Variants in BCORL1 observed in about 807,000 individuals in gnomAD.
BCORL1 encodes the protein BCL6 corepressor like 1, also known as BCL-6 corepressor-like protein 1.
In BCORL1, 7 loss-of-function variants were observed where a neutral mutation model predicts 87.6. The ratio of observed to expected loss-of-function variants is 0.08; its 90% CI spans 0.05 to 0.15. The LOEUF (loss-of-function observed/expected upper bound fraction) is 0.15. Among genes scored for constraint, BCORL1 ranks in the 10% least tolerant of loss-of-function variants. The pLI is 1.00. For synonymous variants in BCORL1, 591 were observed against 634.4 expected (o/e 0.93, Z 1.03); for missense variants, 1,215 against 1,499.7 (o/e 0.81, Z 3.13).
At chrX:130,031,535 G>C (rs1426571929) in intron 8 of BCORL1, among the ~76,000 whole-genome samples, 1 of 112,297 alleles carries the variant, frequency 8.9e-6, no homozygotes, top group African/African-American at 3.2e-5. Context: ...TATAATCCCA[G>C]CACTTTGGGA....
chrX:130,000,817 A>G (rs1048481332), intron 1 of BCORL1, among the ~76,000 whole-genome samples: 1 of 111,677 alleles, frequency 9.0e-6, no homozygotes, highest in Non-Finnish European at 1.9e-5. Flanking sequence ...ATAGCCCAGA[A>G]GGTTATGCTA....
In BCORL1 at chrX:130,039,126, C is replaced by T; in HGVS notation, c.4695-11C>T. 1.7e-6 allele frequency: 2 copies of T among 1,210,622 alleles called. No homozygotes were observed. The highest frequency in any genetic ancestry group is 2.2e-6 in the Non-Finnish European group (2 of 894,742). ...GGGCCCTGTTATCCTCACCCTGTAT[C>T]ACCTCCACAGGCCAGTTCATGATGC... On this transcript the variant is annotated splice_polypyrimidine_tract_variant and intron_variant, in intron 10 of 13. Transcript: ENST00000540052.
chrX:129,999,891 C>G (rs1312934434), intron 1 of BCORL1, among the ~76,000 whole-genome samples: 1 of 110,233 alleles, frequency 9.1e-6, no homozygotes, highest in African/African-American at 3.3e-5. Flanking sequence ...CCAGGCTGGT[C>G]TCGAACTCCT....
chrX:130,054,413 C>G (rs972648631), intron 13 of BCORL1, among the ~76,000 whole-genome samples: 3 of 111,144 alleles, frequency 2.7e-5, no homozygotes, highest in African/African-American at 9.8e-5. Context: ...ACAGTATCTA[C>G]CTGAGCTGGG....
At chrX:130,002,448 G>A (rs1179663740) in intron 1 of BCORL1, among the ~76,000 whole-genome samples, 1 of 104,222 alleles carries the variant, frequency 9.6e-6, no homozygotes, top group African/African-American at 3.5e-5. Flanking sequence ...AAGCCAGAGA[G>A]AGCCAGCAAA....
chrX:130,025,730 G>A (rs1015097181), intron 7 of BCORL1, among the ~76,000 whole-genome samples: 6 of 110,798 alleles, frequency 5.4e-5, no homozygotes, highest in African/African-American at 1.6e-4. Flanking sequence ...TTGGGAGGAC[G>A]GGTTCTCTCT....
chrX:130,012,542 C>T (rs371317097), intron 2 of BCORL1, 36 bp from the exon 3 acceptor site: 4 of 1,148,589 alleles, frequency 3.5e-6, no homozygotes, highest in African/African-American at 3.6e-5. Context: ...AATCCTGGGC[C>T]TCATGTCCCT....
Position 130,056,253 on chromosome X carries a change from G to A in BCORL1, c.*117G>A, listed in dbSNP as rs1932385051. The A allele has an allele frequency of 1.6e-5, 13 of 803,756 alleles. No individual in the cohort carries two copies. 66.2% of individuals were successfully genotyped at this position (803,756 alleles called of 1,213,427 possible). A position where few individuals can be genotyped will look rare whatever the true frequency, so the allele number is the denominator to read the frequency against. ...ATGAGGCAATAATACGGACCAACAA[G>A]AAGCCGCCTTATCAATGCCAGCATT... On this transcript the variant is annotated 3_prime_UTR_variant, in exon 14 of 14. Coordinates refer to ENST00000540052, the MANE Select transcript of BCORL1 (RefSeq NM_001379451.1).
intron 5 of BCORL1, among the ~76,000 whole-genome samples, chrX:130,022,078 C>T (rs1029461290): frequency 5.4e-5 from 6 of 110,243 alleles, no homozygotes; most frequent in Non-Finnish European, 1.1e-4. Context: ...TCAGCCACTG[C>T]GTCCGGCCTC....
chrX:130,047,289 G>A (rs2124568810), intron 11 of BCORL1, among the ~76,000 whole-genome samples: 1 of 111,115 alleles, frequency 9.0e-6, no homozygotes, highest in South Asian at 3.8e-4. Flanking sequence ...TTCAAGGAAA[G>A]GATAAGAGAA....
rs775454892 is a variant in BCORL1, at chrX:130,055,870, C to A, written c.5092C>A (p.Leu1698Ile). The change falls in exon 14 of 14, where the codon CTC (leucine) becomes ATC (isoleucine). Residue 1698 changes from leucine to isoleucine, a missense_variant. Transcript: ENST00000540052. ...CCTTTGCAGGCCCTGCAACTGGTTC[C>A]TCTTTTCCGATGTCTTGAAGAGGCT... ...SVSRGPCNWF[L>I]FSDVLKRLKL... is the part of the protein sequence containing the mutation. The A allele has an allele frequency of 4.4e-5, 53 of 1,206,465 alleles. 1 individual carries two copies. In the East Asian group the frequency reaches 4.7e-4, roughly 11 times the overall value.
At chrX:130,055,797 G>A (rs780577139) in intron 13 of BCORL1, 57 bp from the exon 14 acceptor site, 139 of 1,121,152 alleles carry the variant, frequency 1.2e-4, no homozygotes, top group East Asian at 1.5e-4. Flanking sequence ...GTTCTGGGTC[G>A]GTGCCCCCAC....
intron 4 of BCORL1, among the ~76,000 whole-genome samples, chrX:130,019,318 C>T (rs757247293): frequency 5.3e-5 from 6 of 112,490 alleles, no homozygotes; most frequent in Non-Finnish European, 9.4e-5. Flanking sequence ...TAATGATCTG[C>T]ATTTGAAAGA....
Position 130,056,217 on chromosome X carries a change from C to A in BCORL1, c.*81C>A. 1 of 988,927 alleles carries A rather than the reference C, an allele frequency of 1.0e-6. No homozygotes were observed. The highest frequency in any genetic ancestry group is 1.3e-6 in the Non-Finnish European group (1 of 743,379). 81.5% of individuals were successfully genotyped at this position (988,927 alleles called of 1,213,427 possible). On this transcript the variant is annotated 3_prime_UTR_variant, in exon 14 of 14. Coordinates refer to ENST00000540052, the MANE Select transcript of BCORL1 (RefSeq NM_001379451.1). The stretch of plus-strand genomic sequence containing the variant: ...TCCTTGTCTTTCCCCGACCGAGCAC[C>A]AGACTGCAGAATGAGGCAATAATAC...
At chrX:130,011,002 TAAAAAAAAAAAAAAAAAAA>T (rs1186630415) in intron 2 of BCORL1, among the ~76,000 whole-genome samples, 8 of 19,094 alleles carry the variant, frequency 4.2e-4, no homozygotes, top group Admixed American at 1.2e-3. Flanking sequence ...AGATTCAATC[TAAAAAAAAAAAAAAAAAAA>T]AAAAAAAAAA....
At chrX:130,034,229 A>G (rs1471228154) in intron 8 of BCORL1, among the ~76,000 whole-genome samples, 4 of 111,848 alleles carry the variant, frequency 3.6e-5, no homozygotes, top group Non-Finnish European at 7.5e-5. Context: ...CTACAAACTC[A>G]TGGGAACCTG....
At position 130,039,292 on chromosome X, in the gene BCORL1, G is replaced by A. The variant is rs761961393; in HGVS notation, c.4840+10G>A. The A allele has an allele frequency of 8.3e-7, 1 of 1,206,454 alleles. No homozygotes were observed. Among genetic ancestry groups the A allele is most frequent in the Admixed American group, 2.2e-5 (1 of 45,829 alleles). ...AAGCGCTTTCTCAGTGGTAAGCATG[G>A]TCCAGACTTGACACTGTTGTCCTTG... On this transcript the variant is annotated intron_variant, in intron 11 of 13. Coordinates refer to ENST00000540052, the MANE Select transcript of BCORL1 (RefSeq NM_001379451.1).
chrX:130,025,143 A>G lies in BCORL1; in HGVS notation c.3842A>G (p.His1281Arg), dbSNP rs939681879. ...CGGGACACCCAGTATCGCAGCCACC[A>G]TGCCCAGGACAAGTCTCTGCTGAGC... ...TQRDTQYRSH[H>R]AQDKSLLSQG... Residue 1281 changes from histidine to arginine, a missense_variant, in exon 7 of 14, where the codon CAT becomes CGT. Coordinates refer to ENST00000540052, the MANE Select transcript of BCORL1 (RefSeq NM_001379451.1). 1 of 1,210,190 alleles carries G rather than the reference A, an allele frequency of 8.3e-7. No individual in the cohort carries two copies. Among genetic ancestry groups the G allele is most frequent in the African/African-American group, 1.7e-5 (1 of 57,203 alleles).
chrX:130,047,648 T>A (rs1461601504), intron 11 of BCORL1, among the ~76,000 whole-genome samples: 1 of 112,158 alleles, frequency 8.9e-6, no homozygotes, highest in Non-Finnish European at 1.9e-5. Flanking sequence ...TCCTTGTGTG[T>A]CCTCTTGTGG....
Sources: gnomAD v4.1 joint callset for allele counts (sites outside exome capture counted in the v4.1 genomes callset) on GRCh38, gnomAD v4.1.1 for gene constraint, MANE v1.5 for transcripts, NCBI Gene and HGNC (gene_info 2026-07-23, HGNC 2026-07-21) for gene names.